The following PTPRQ variants were observed in gnomAD, a reference collection of about 807,000 sequenced individuals.
The protein encoded by PTPRQ is phosphatidylinositol phosphatase PTPRQ.
A neutral mutation model predicts 246.0 loss-of-function variants in PTPRQ; 199 were observed. The observed-to-expected ratio is 0.81, with a 90% CI of 0.72 to 0.91. PTPRQ has a LOEUF of 0.91. PTPRQ is among the 40% of genes least tolerant of loss of function. PTPRQ has a pLI of 0.00. For missense variants in PTPRQ, 2,624 were observed against 2,528.4 expected (o/e 1.04, Z -0.81); for synonymous variants, 869 against 853.2 (o/e 1.02, Z -0.32).
At chr12:80,561,271 A>G (rs1280565288) in intron 25 of PTPRQ, 1 of 152,196 alleles carries the variant, frequency 6.6e-6, no homozygotes, top group Non-Finnish European at 1.5e-5. Context: ...CTGATTTTCC[A>G]AAGCACTAAC....
chr12:80,444,432 TA>T, intron 1 of PTPRQ, 33 bp downstream of exon 1: 1 of 1,230,534 alleles, frequency 8.1e-7, no homozygotes, highest in South Asian at 1.3e-5. Context: ...AAACAAGGGC[TA>T]AGTCATGGGC....
intron 17 of PTPRQ, among the ~76,000 whole-genome samples, chr12:80,521,205 GTTGT>G (rs1895472163): frequency 6.6e-6 from 1 of 152,134 alleles, no homozygotes; most frequent in Non-Finnish European, 1.5e-5. Flanking sequence ...TTTTGATGGG[GTTGT>G]TTGTTTTTTT....
At chr12:80,475,668 G>T (rs995980028) in intron 8 of PTPRQ, among the ~76,000 whole-genome samples, 4 of 151,920 alleles carry the variant, frequency 2.6e-5, no homozygotes, top group East Asian at 1.9e-4. Flanking sequence ...GGAAAAAAAA[G>T]ATAAGTTTAT....
Position 80,608,835 on chromosome 12 carries a change from G to A in PTPRQ, c.4732-1604G>A, listed in dbSNP as rs139368550. Among the ~76,000 whole-genome samples the A allele has an allele frequency of 2.5e-3, 374 of 150,466 alleles. 1 individual carries two copies. The highest frequency in any genetic ancestry group is 8.8e-3 in the African/African-American group (364 of 41,276). Reference sequence around the variant, plus strand: ...AATGGGACCCAGGCCCCTTTACAGAGGTCAATAGTTACCCATCTCTGCACC... The same window carrying A: ...AATGGGACCCAGGCCCCTTTACAGAAGTCAATAGTTACCCATCTCTGCACC... On this transcript the variant is annotated intron_variant, in intron 27 of 44. Transcript: ENST00000644991.
chr12:80,520,484 G>A (rs1006596749), intron 17 of PTPRQ, among the ~76,000 whole-genome samples: 8 of 151,814 alleles, frequency 5.3e-5, no homozygotes, highest in South Asian at 2.1e-4. Flanking sequence ...AACATTAGGT[G>A]TATCTCCTAA....
rs1894569056 is a variant in PTPRQ, at chr12:80,495,044, T to A, written c.1652T>A (p.Ile551Asn). ...EHMISVSAFT[I>N]MGEGPPTVLS... ...ATGATTAGTGTATCTGCTTTCACCA[T>A]CATGGGAGAAGGACCACCAACAGTT... Residue 551 changes from isoleucine (I) to asparagine (N), a missense_variant, in exon 11 of 45, where the codon ATC (isoleucine) becomes AAC (asparagine). Transcript: ENST00000644991. 12 of 1,550,526 alleles carry A rather than the reference T, an allele frequency of 7.7e-6. No homozygotes were observed. Among genetic ancestry groups the A allele is most frequent in the Non-Finnish European group, 7.0e-6 (8 of 1,146,224 alleles).
intron 3 of PTPRQ, among the ~76,000 whole-genome samples, chr12:80,447,537 T>C (rs938575093): frequency 1.1e-4 from 16 of 152,096 alleles, no homozygotes; most frequent in African/African-American, 3.9e-4. Context: ...TTTCAGGTTT[T>C]ATATTTAAGT....
chr12:80,461,380 A>T (rs1893162322), intron 6 of PTPRQ, among the ~76,000 whole-genome samples: 1 of 152,156 alleles, frequency 6.6e-6, no homozygotes, highest in Non-Finnish European at 1.5e-5. Flanking sequence ...CATCTGAAAA[A>T]TAGAGACAGT....
At chr12:80,673,546 A>G (rs1227970984) in intron 43 of PTPRQ, among the ~76,000 whole-genome samples, 1 of 152,134 alleles carries the variant, frequency 6.6e-6, no homozygotes, top group African/African-American at 2.4e-5. Context: ...TGTTATACTG[A>G]TAGGCATGTA....
chr12:80,600,556 T>C (rs1898108600), intron 26 of PTPRQ, among the ~76,000 whole-genome samples: 1 of 151,732 alleles, frequency 6.6e-6, no homozygotes, highest in Non-Finnish European at 1.5e-5. Context: ...CAGAAAATTC[T>C]CAATACATTT....
rs544306852 is a variant in PTPRQ at position 80,565,622 on chromosome 12, C to A, written c.4285+15888C>A. Among the ~76,000 whole-genome samples the A allele has an allele frequency of 3.3e-5, 5 of 152,146 alleles. No individual in the cohort carries two copies. The East Asian group carries it at 7.7e-4, about 23-fold the overall frequency. ...CTTCAGGAATGTGCCTGTTGTTTGT[C>A]TGAGATTATAAACGTCATGGAAAAA... On this transcript the variant is annotated intron_variant, in intron 25 of 44. Coordinates refer to ENST00000644991, the MANE Select transcript of PTPRQ (RefSeq NM_001145026.2).
chr12:80,524,635 G>C (rs1895625481), intron 17 of PTPRQ, among the ~76,000 whole-genome samples: 1 of 152,116 alleles, frequency 6.6e-6, no homozygotes, highest in African/African-American at 2.4e-5. Context: ...TCTGTTGGTT[G>C]ACAGGCTTAG....
chr12:80,545,235 A>G (rs1422479399), intron 23 of PTPRQ, among the ~76,000 whole-genome samples: 1 of 152,120 alleles, frequency 6.6e-6, no homozygotes, highest in Non-Finnish European at 1.5e-5. Flanking sequence ...ACATGTGTCT[A>G]TAATCTCCAG....
At chr12:80,449,464 G>A (rs2120406634) in intron 3 of PTPRQ, among the ~76,000 whole-genome samples, 1 of 152,284 alleles carries the variant, frequency 6.6e-6, no homozygotes, top group African/African-American at 2.4e-5. Flanking sequence ...CCTATGTCCT[G>A]AATGGTAATG....
chr12:80,561,632 G>C (rs1038736298), intron 25 of PTPRQ: 1 of 152,162 alleles, frequency 6.6e-6, no homozygotes, highest in East Asian at 1.9e-4. Context: ...GCTTCTCGGT[G>C]GTATTCAAAC....
At chr12:80,511,520 T>C (rs547623183) in intron 17 of PTPRQ, among the ~76,000 whole-genome samples, 1 of 152,296 alleles carries the variant, frequency 6.6e-6, no homozygotes, top group South Asian at 2.1e-4. Context: ...CTCAAGAGTG[T>C]TGTATCTCTT....
chr12:80,534,164 C>T lies in PTPRQ; in HGVS notation c.2828C>T (p.Thr943Ile). Residue 943 changes from threonine (T) to isoleucine (I), a missense_variant, in exon 18 of 45, where the codon ACA (threonine) becomes ATA (isoleucine). Transcript: ENST00000644991. ...KTRSNIISFQ[T>I]PEGAPSDPPK... ...AGAAGCAATATCATTAGCTTTCAAA[C>T]ACCAGAGGGAGGTGAGTTAAGGATG... 1 of 1,532,474 alleles carries T rather than the reference C, an allele frequency of 6.5e-7. No individual in the cohort carries two copies. Among genetic ancestry groups the T allele is most frequent in the Non-Finnish European group, 8.8e-7 (1 of 1,138,300 alleles). The allele number at this position is 1,532,474 out of a possible 1,614,324, so 94.9% of individuals were successfully genotyped here.
intron 42 of PTPRQ, 42 bp from the exon 43 acceptor site, chr12:80,673,127 C>A (rs1334943714): frequency 1.3e-6 from 2 of 1,545,810 alleles, no homozygotes; most frequent in African/African-American, 1.4e-5. Flanking sequence ...AAATGAACAA[C>A]CCTTTGCTGA....
chr12:80,459,875 A>G (rs1251144778), intron 5 of PTPRQ, among the ~76,000 whole-genome samples: 1 of 152,158 alleles, frequency 6.6e-6, no homozygotes, highest in Non-Finnish European at 1.5e-5. Context: ...ATAATTGGAG[A>G]AAATATTTTA....
Sources: allele counts gnomAD v4.1 joint callset (sites outside exome capture counted in the v4.1 genomes callset), GRCh38; gene constraint gnomAD v4.1.1; transcripts MANE v1.5; gene names NCBI Gene and HGNC (gene_info 2026-07-23, HGNC 2026-07-21).